UPP2: variants seen among roughly 807,000 people sequenced by gnomAD.
The protein encoded by UPP2 is UPase 2.
In UPP2, 23 loss-of-function variants were observed where a neutral mutation model predicts 26.7. The ratio of observed to expected loss-of-function variants is 0.86; its 90% CI spans 0.62 to 1.22. The LOEUF is 1.22. UPP2 is among the 50% of genes most tolerant of loss of function. The probability of loss-of-function intolerance (pLI) is 0.00; values close to 1 mark genes in which losing one functional copy is unlikely to be tolerated. For missense variants in UPP2, 387 were observed against 396.7 expected (o/e 0.98, Z 0.21); for synonymous variants, 127 against 141.3 (o/e 0.90, Z 0.72).
intron 2 of UPP2, among the ~76,000 whole-genome samples, chr2:158,110,559 G>A (rs1449330866): frequency 6.6e-6 from 1 of 152,076 alleles, no homozygotes; most frequent in African/African-American, 2.4e-5. Context: ...GATCCTTGAG[G>A]ACTAGTTCTA....
chr2:158,110,003 G>T (rs1041882500), intron 2 of UPP2, among the ~76,000 whole-genome samples: 3 of 152,080 alleles, frequency 2.0e-5, no homozygotes, highest in African/African-American at 7.2e-5. Flanking sequence ...TGTTGGAAAA[G>T]AAGAAATATT....
chr2:158,117,529 G>A (rs1004836064), intron 3 of UPP2, among the ~76,000 whole-genome samples: 9 of 151,896 alleles, frequency 5.9e-5, no homozygotes, highest in African/African-American at 1.7e-4. Context: ...AAATGGCACC[G>A]CCCTGACACA....
intron 1 of UPP2, 22 bp from the exon 2 acceptor site, chr2:158,106,077 T>A (rs1683187070): frequency 1.3e-6 from 2 of 1,529,640 alleles, no homozygotes; most frequent in Non-Finnish European, 1.8e-6. Flanking sequence ...TTATATCTTC[T>A]TTGTATAATT....
At chr2:158,097,925 G>A (rs1202686009), upstream of UPP2, among the ~76,000 whole-genome samples, 4 of 151,888 alleles carry the variant, frequency 2.6e-5, no homozygotes, top group Admixed American at 6.6e-5. Context: ...CTTTTTCATA[G>A]TGCACACTCC....
chr2:158,064,946 A>G (rs915612963), intron 3 of UPP2, among the ~76,000 whole-genome samples: 5 of 152,120 alleles, frequency 3.3e-5, no homozygotes, highest in African/African-American at 1.2e-4. Flanking sequence ...ATTGGTCTAT[A>G]TATCTGTTTT....
intron 2 of UPP2, among the ~76,000 whole-genome samples, chr2:158,012,387 C>T (rs529849646): frequency 1.3e-5 from 2 of 149,266 alleles, no homozygotes; most frequent in South Asian, 2.1e-4. Context: ...CCTGCCTCAG[C>T]TTCCCGAGTA....
upstream of UPP2, among the ~76,000 whole-genome samples, chr2:158,100,895 A>T (rs1388500730): frequency 6.6e-6 from 1 of 152,176 alleles, no homozygotes; most frequent in Non-Finnish European, 1.5e-5. Context: ...GATGGACCAA[A>T]GGAGGCCAGT....
chr2:158,047,626 A>C (rs1393040654), intron 3 of UPP2, among the ~76,000 whole-genome samples: 1 of 152,168 alleles, frequency 6.6e-6, no homozygotes, highest in Non-Finnish European at 1.5e-5. Context: ...GTCATATGTC[A>C]AAAAAATGCA....
At chr2:158,061,282 C>A (rs1289067961) in intron 3 of UPP2, among the ~76,000 whole-genome samples, 1 of 152,178 alleles carries the variant, frequency 6.6e-6, no homozygotes, top group African/African-American at 2.4e-5. Context: ...ATAAGTCACA[C>A]AGCTGGAGCC....
At chr2:158,117,799 G>C (rs1683472610) in intron 3 of UPP2, 25 bp from the exon 4 acceptor site, 2 of 1,551,110 alleles carry the variant, frequency 1.3e-6, no homozygotes, top group Admixed American at 1.7e-5. Flanking sequence ...CAAGATGTAT[G>C]ATGACTTTCT....
intron 2 of UPP2, among the ~76,000 whole-genome samples, chr2:158,000,610 G>A (rs1238746037): frequency 6.6e-6 from 1 of 152,212 alleles, no homozygotes; most frequent in Non-Finnish European, 1.5e-5. Context: ...AAGCAATGGT[G>A]GCTGCTATCA....
intron 3 of UPP2, among the ~76,000 whole-genome samples, chr2:158,095,178 G>A (rs921272767): frequency 1.3e-5 from 2 of 152,174 alleles, no homozygotes; most frequent in African/African-American, 4.8e-5. Flanking sequence ...CCTGAGATGA[G>A]TTAATCGTAA....
At chr2:158,040,149 C>G (rs1242607945) in intron 3 of UPP2, among the ~76,000 whole-genome samples, 10 of 152,230 alleles carry the variant, frequency 6.6e-5, no homozygotes, top group Admixed American at 3.3e-4. Context: ...CGTCCTTTTG[C>G]AGGGAGGAGA....
intron 1 of UPP2, 76 bp downstream of exon 1, chr2:158,102,201 A>G: frequency 7.2e-6 from 11 of 1,529,782 alleles, no homozygotes; most frequent in Non-Finnish European, 9.8e-6. Context: ...TGATTAGATA[A>G]TGGGCCTCTA....
chr2:158,123,106 T>C (rs1683605840), intron 5 of UPP2, among the ~76,000 whole-genome samples: 1 of 152,070 alleles, frequency 6.6e-6, no homozygotes, highest in African/African-American at 2.4e-5. Flanking sequence ...GTGCACAGGG[T>C]ACGGAAGGAG....
intron 3 of UPP2, among the ~76,000 whole-genome samples, chr2:158,068,962 T>C (rs535661246): frequency 1.3e-5 from 2 of 149,712 alleles, no homozygotes; most frequent in African/African-American, 4.9e-5. Context: ...GGACTACAGG[T>C]GCCCGCCACC....
intron 3 of UPP2, among the ~76,000 whole-genome samples, chr2:158,035,246 C>T (rs1683982519): frequency 6.6e-6 from 1 of 151,854 alleles, no homozygotes; most frequent in South Asian, 2.1e-4. Context: ...CAACCTCCGC[C>T]TCCTGGGTTC....
chr2:158,101,364 T>A (rs1006997529), upstream of UPP2, among the ~76,000 whole-genome samples: 1 of 152,228 alleles, frequency 6.6e-6, no homozygotes, highest in Non-Finnish European at 1.5e-5. Flanking sequence ...ACCAATGGCC[T>A]ACAGTTTAAC....
At chr2:158,007,622 T>C (rs1683512478) in intron 2 of UPP2, among the ~76,000 whole-genome samples, 1 of 145,758 alleles carries the variant, frequency 6.9e-6, no homozygotes, top group Non-Finnish European at 1.5e-5. Context: ...CGTATTTCTC[T>C]CTCTCTCTTT....
Sources: gnomAD v4.1 joint callset for allele counts (sites outside exome capture counted in the v4.1 genomes callset) on GRCh38, gnomAD v4.1.1 for gene constraint, MANE v1.5 for transcripts, NCBI Gene and HGNC (gene_info 2026-07-23, HGNC 2026-07-21) for gene names.